PRKN: variants seen among roughly 807,000 people sequenced by gnomAD.
The protein encoded by PRKN is E3 ubiquitin-protein ligase parkin.
In PRKN, 56 loss-of-function variants were observed where a neutral mutation model predicts 59.5. That is an observed-to-expected ratio of 0.94 (90% CI 0.76 to 1.18). The LOEUF is 1.18. PRKN is among the 50% of genes most tolerant of loss of function. The probability of loss-of-function intolerance (pLI) is 0.00; values close to 1 mark genes in which losing one functional copy is unlikely to be tolerated. For synonymous variants in PRKN, 250 were observed against 222.1 expected (o/e 1.13, Z -1.12); for missense variants, 657 against 596.4 (o/e 1.10, Z -1.06).
At chr6:161,975,203 A>G (rs1451472159) in intron 5 of PRKN, among the ~76,000 whole-genome samples, 3 of 146,754 alleles carry the variant, frequency 2.0e-5, no homozygotes, top group Non-Finnish European at 3.0e-5. Flanking sequence ...CTCCTGCCTC[A>G]GCCTCCCGAG....
intron 1 of PRKN, among the ~76,000 whole-genome samples, chr6:162,514,298 T>C (rs1291924776): frequency 2.0e-5 from 3 of 151,908 alleles, no homozygotes; most frequent in Non-Finnish European, 4.4e-5. Context: ...AAAAGTAAAC[T>C]GAATCAAATT....
At chr6:162,222,896 A>G (rs536017808) in intron 3 of PRKN, among the ~76,000 whole-genome samples, 1 of 151,936 alleles carries the variant, frequency 6.6e-6, no homozygotes, top group African/African-American at 2.4e-5. Flanking sequence ...ACATGTGCAC[A>G]ATGTGCAGGT....
At chr6:161,427,065 T>G (rs1422960231) in intron 9 of PRKN, among the ~76,000 whole-genome samples, 1 of 151,552 alleles carries the variant, frequency 6.6e-6, no homozygotes, top group Non-Finnish European at 1.5e-5. Flanking sequence ...GTCCACCATG[T>G]GGGAGTGCAG....
chr6:162,114,569 T>A (rs571979588), intron 4 of PRKN, among the ~76,000 whole-genome samples: 1 of 152,210 alleles, frequency 6.6e-6, no homozygotes, highest in African/African-American at 2.4e-5. Context: ...TGATTTTGTA[T>A]CCTGAATATT....
At chr6:162,123,697 C>T (rs2128306178) in intron 4 of PRKN, among the ~76,000 whole-genome samples, 1 of 152,182 alleles carries the variant, frequency 6.6e-6, no homozygotes, top group Admixed American at 6.5e-5. Context: ...ATTAGGTATA[C>T]CCATGGAGTA....
intron 9 of PRKN, among the ~76,000 whole-genome samples, chr6:161,508,847 CT>C (rs756937175): frequency 0.083 from 12,036 of 144,520 alleles, 658 homozygotes; most frequent in African/African-American, 0.16. Context: ...GTTATAATTC[CT>C]TTTTTTTTTT....
chr6:161,815,453 C>T (rs374992980), intron 6 of PRKN, among the ~76,000 whole-genome samples: 1 of 152,148 alleles, frequency 6.6e-6, no homozygotes, highest in African/African-American at 2.4e-5. Context: ...TAACGCAGAT[C>T]CTAATATCCA....
intron 5 of PRKN, among the ~76,000 whole-genome samples, chr6:162,005,420 C>T (rs907497264): frequency 2.0e-5 from 3 of 152,048 alleles, no homozygotes; most frequent in African/African-American, 4.8e-5. Flanking sequence ...AAAATTAAGT[C>T]GACCTCTTCA....
chr6:162,671,759 C>T (rs2128230341), intron 1 of PRKN, among the ~76,000 whole-genome samples: 1 of 150,820 alleles, frequency 6.6e-6, no homozygotes, highest in East Asian at 1.9e-4. Flanking sequence ...GAATATAAAA[C>T]TATTAAATAA....
chr6:161,772,227 C>T (rs1370751061), intron 7 of PRKN, among the ~76,000 whole-genome samples: 1 of 152,148 alleles, frequency 6.6e-6, no homozygotes, highest in Non-Finnish European at 1.5e-5. Context: ...GGATTCCAGC[C>T]TCAGATACAC....
In PRKN at chr6:161,897,966, C is replaced by CAAAAAAAAAAAAAAAAA. The variant is rs55714271; in HGVS notation, c.734+75319_734+75335dup. Among the ~76,000 whole-genome samples the CAAAAAAAAAAAAAAAAA allele has an allele frequency of 5.7e-4, 22 of 38,292 alleles. 1 individual carries two copies. Among genetic ancestry groups the CAAAAAAAAAAAAAAAAA allele is most frequent in the Admixed American group, 1.4e-3 (4 of 2,924 alleles). 25.1% of individuals were successfully genotyped at this position (38,292 alleles called of 152,430 possible). On this transcript the variant is annotated intron_variant, in intron 6 of 11. Transcript: ENST00000366898. ...TGGGTGACAGAGCGAGACTCCGTCT[C>CAAAAAAAAAAAAAAAAA]AAAAAAAAAAAAAAAAAAGTCTCCC...
At chr6:161,801,190 A>G (rs538669346) in intron 6 of PRKN, among the ~76,000 whole-genome samples, 24 of 152,278 alleles carry the variant, frequency 1.6e-4, no homozygotes, top group Admixed American at 5.2e-4. Flanking sequence ...TTCCACCCAC[A>G]TTCCTCAATT....
intron 7 of PRKN, among the ~76,000 whole-genome samples, chr6:161,638,315 A>G (rs1191202209): frequency 6.6e-6 from 1 of 151,888 alleles, no homozygotes; most frequent in Non-Finnish European, 1.5e-5. Flanking sequence ...TTTGTGTTTC[A>G]GTAGAGATGG....
chr6:162,680,675 CAT>C (rs1164430229), intron 1 of PRKN, among the ~76,000 whole-genome samples: 1 of 151,980 alleles, frequency 6.6e-6, no homozygotes, highest in African/African-American at 2.4e-5. Context: ...AAAACTAAAA[CAT>C]AAATTCACTA....
intron 2 of PRKN, among the ~76,000 whole-genome samples, chr6:162,332,659 T>A (rs1783635103): frequency 6.6e-6 from 1 of 152,168 alleles, no homozygotes; most frequent in Non-Finnish European, 1.5e-5. Context: ...GGCTTCTTTA[T>A]CCCAGAAATT....
At chr6:162,075,729 G>A (rs890934060) in intron 4 of PRKN, among the ~76,000 whole-genome samples, 2 of 151,986 alleles carry the variant, frequency 1.3e-5, no homozygotes, top group African/African-American at 4.8e-5. Context: ...GGACTATAAG[G>A]AAAAGTGCTT....
chr6:161,783,430 C>T (rs144378978), intron 7 of PRKN, among the ~76,000 whole-genome samples: 23 of 152,232 alleles, frequency 1.5e-4, no homozygotes, highest in South Asian at 2.1e-4. Flanking sequence ...GCAGGTCATT[C>T]GGCGAGAATT....
At chr6:161,686,558 C>T (rs1337075700) in intron 7 of PRKN, among the ~76,000 whole-genome samples, 2 of 152,170 alleles carry the variant, frequency 1.3e-5, no homozygotes, top group African/African-American at 4.8e-5. Context: ...TACCCAGTGG[C>T]TTACCATGAT....
chr6:161,724,822 T>C (rs1787372069), intron 7 of PRKN, among the ~76,000 whole-genome samples: 1 of 152,222 alleles, frequency 6.6e-6, no homozygotes, highest in South Asian at 2.1e-4. Context: ...TATATGTCCC[T>C]AACCAAATCT....
Sources: allele counts gnomAD v4.1 joint callset (sites outside exome capture counted in the v4.1 genomes callset), GRCh38; gene constraint gnomAD v4.1.1; transcripts MANE v1.5; gene names NCBI Gene and HGNC (gene_info 2026-07-23, HGNC 2026-07-21).